Variants in COL15A1 observed in about 807,000 individuals in gnomAD.
COL15A1 encodes the protein collagen alpha-1(XV) chain.
COL15A1 carries 111 observed loss-of-function variants against 165.9 expected under a neutral mutation model. The observed-to-expected ratio is 0.67, with a 90% confidence interval of 0.57 to 0.78. The LOEUF is 0.78. Ranked by LOEUF, COL15A1 falls within the 30% of genes least tolerant of loss-of-function variation. The probability of loss-of-function intolerance (pLI) is 0.00; values close to 1 mark genes in which losing one functional copy is unlikely to be tolerated. For synonymous variants in COL15A1, 659 were observed against 674.8 expected (o/e 0.98, Z 0.36); for missense variants, 1,745 against 1,789.7 (o/e 0.98, Z 0.45).
intron 2 of COL15A1, among the ~76,000 whole-genome samples, chr9:98,967,796 C>T (rs984349586): frequency 1.3e-5 from 2 of 152,322 alleles, no homozygotes; most frequent in Middle Eastern, 3.4e-3. Context: ...CTGCCCATGA[C>T]TGGCCTCCAT....
At chr9:99,012,311 A>G (rs568750134) in intron 9 of COL15A1, among the ~76,000 whole-genome samples, 37 of 152,364 alleles carry the variant, frequency 2.4e-4, no homozygotes, top group Non-Finnish European at 4.0e-4. Context: ...ATAAACACAC[A>G]CATACATACT....
At chr9:99,066,566 G>C (rs1021565514) in intron 39 of COL15A1, among the ~76,000 whole-genome samples, 17 of 128,572 alleles carry the variant, frequency 1.3e-4, no homozygotes, top group African/African-American at 5.0e-4. Context: ...GATCCCTGAA[G>C]TTCTTTATTT....
Position 99,015,668 on chromosome 9 carries a change from G to C in COL15A1, c.1503+102G>C, listed in dbSNP as rs979292427. The C allele has an allele frequency of 2.6e-6, 3 of 1,138,340 alleles. No homozygotes were observed. The African/African-American group carries it at 4.6e-5, about 17-fold the overall frequency. The allele number at this position is 1,138,340 out of a possible 1,614,324, so 70.5% of individuals were successfully genotyped here. A position where few individuals can be genotyped will look rare whatever the true frequency, so the allele number is the denominator to read the frequency against. The stretch of plus-strand genomic sequence containing the variant: ...CCTTGGCAGGGGCACCTGTAGCTTG[G>C]TTATGAGCACATGTCTGGGTGGGCA... On this transcript the variant is annotated intron_variant, in intron 10 of 41. Transcript: ENST00000375001.
intron 2 of COL15A1, among the ~76,000 whole-genome samples, chr9:98,958,125 G>A (rs984917163): frequency 6.6e-6 from 1 of 152,268 alleles, no homozygotes; most frequent in Admixed American, 6.5e-5. Context: ...ACATGGTGGA[G>A]ACTCTCCCAG....
chr9:98,959,247 A>AC (rs1554683054), intron 2 of COL15A1, among the ~76,000 whole-genome samples: 11 of 147,414 alleles, frequency 7.5e-5, no homozygotes, highest in African/African-American at 2.8e-4. Flanking sequence ...AAAAAAAAAA[A>AC]CTAAAAACTA....
chr9:98,994,444 G>A lies in COL15A1; in HGVS notation c.805-2490G>A, dbSNP rs1388191118. On this transcript the variant is annotated intron_variant, in intron 5 of 41. Transcript: ENST00000375001. ...TGGCAAGTTCCTACTTAGCCTTCAG[G>A]ATCCAGTCCACATCCTCTCCTTGGA... Among the ~76,000 whole-genome samples the A allele has an allele frequency of 1.8e-4, 28 of 152,052 alleles. 1 individual carries two copies. The highest frequency in any genetic ancestry group is 1.8e-3 in the Admixed American group (28 of 15,260).
At chr9:99,055,401 C>T (rs371679554) in intron 34 of COL15A1, 29 bp downstream of exon 34, 5 of 1,374,224 alleles carry the variant, frequency 3.6e-6, no homozygotes, top group Non-Finnish European at 5.2e-6. Flanking sequence ...AAGTCATCTA[C>T]CCCAAAGACT....
chr9:98,967,318 CT>C, intron 2 of COL15A1, among the ~76,000 whole-genome samples: 1 of 152,338 alleles, frequency 6.6e-6, no homozygotes, highest in East Asian at 1.9e-4. Context: ...TCTGTACTGA[CT>C]TTCCCTGGGG....
chr9:99,035,666 T>C (rs1051015065), intron 19 of COL15A1, among the ~76,000 whole-genome samples: 1 of 152,244 alleles, frequency 6.6e-6, no homozygotes, highest in African/African-American at 2.4e-5. Flanking sequence ...TCTCTTCATC[T>C]ATTTCTCTCT....
intron 4 of COL15A1, 95 bp from the exon 5 acceptor site, chr9:98,989,083 G>C: frequency 1.2e-6 from 1 of 845,122 alleles, no homozygotes; most frequent in Non-Finnish European, 2.0e-6. Context: ...CTGTAGGAGA[G>C]TCGGTTTGTC....
At chr9:99,064,291 C>T (rs192484849) in intron 39 of COL15A1, among the ~76,000 whole-genome samples, 1 of 152,124 alleles carries the variant, frequency 6.6e-6, no homozygotes, top group African/African-American at 2.4e-5. Flanking sequence ...CCACTCCCAG[C>T]CCAATCAAGA....
intron 6 of COL15A1, among the ~76,000 whole-genome samples, chr9:98,998,555 T>G (rs1838589839): frequency 6.6e-6 from 1 of 152,186 alleles, no homozygotes; most frequent in Admixed American, 6.5e-5. Context: ...AAGCTTCAGA[T>G]TCCTTAGCCG....
rs184770460 is a variant in COL15A1, at chr9:99,069,823, C to T, written c.4104C>T (p.Ser1368=). 4 of 1,614,166 alleles carry T rather than the reference C, an allele frequency of 2.5e-6. No homozygotes were observed. The Admixed American group carries it at 5.0e-5, about 20-fold the overall frequency. The change falls in exon 42 of 42, where the codon AGC becomes AGT. Residue 1368 remains serine, a synonymous_variant. Transcript: ENST00000375001. The stretch of plus-strand genomic sequence containing the variant: ...AGATTCTGGACCAGAAAGCATACAG[C>T]TGTGCTAATCGGCTAATTGTCCTAT... ...TGKILDQKAY[S]CANRLIVLCI...
At chr9:99,044,124 G>T (rs1839456045) in intron 24 of COL15A1, among the ~76,000 whole-genome samples, 1 of 152,100 alleles carries the variant, frequency 6.6e-6, no homozygotes, top group African/African-American at 2.4e-5. Flanking sequence ...CAGATCTCAG[G>T]TTGAGTTGCT....
At chr9:98,948,398 A>C (rs1488629718) in intron 2 of COL15A1, among the ~76,000 whole-genome samples, 1 of 152,134 alleles carries the variant, frequency 6.6e-6, no homozygotes, top group African/African-American at 2.4e-5. Context: ...GGAGATTGAG[A>C]CCATCCTAGC....
Position 99,047,818 on chromosome 9 carries a change from A to T in COL15A1, c.2712A>T (p.Glu904Asp). The stretch of plus-strand genomic sequence containing the variant: ...AAGGACCACCAGGACATAAAGGAGA[A>T]TTTGGCCTTCCCGGGCGACCTGTAG... ...GPKGPPGHKG[E>D]FGLPGRPGRP... Residue 904 changes from glutamate to aspartate, a missense_variant, in exon 27 of 42, where the codon GAA becomes GAT. By Grantham distance (45) the Glu-to-Asp change is conservative. Transcript: ENST00000375001. 6.2e-7 allele frequency: 1 copy of T among 1,614,020 alleles called. No homozygotes were observed. Among genetic ancestry groups the T allele is most frequent in the Non-Finnish European group, 8.5e-7 (1 of 1,179,970 alleles).
At chr9:99,020,285 C>T (rs1056922083) in intron 11 of COL15A1, 104 bp from the exon 12 acceptor site, 5 of 833,074 alleles carry the variant, frequency 6.0e-6, no homozygotes, top group East Asian at 4.9e-5. Context: ...AGCCCTAGCT[C>T]ATGCCCAGCT....
At chr9:98,956,983 G>A (rs1261392862) in intron 2 of COL15A1, among the ~76,000 whole-genome samples, 1 of 152,258 alleles carries the variant, frequency 6.6e-6, no homozygotes, top group Admixed American at 6.5e-5. Context: ...ATCACCATCT[G>A]TGGTAGGCAG....
At chr9:99,021,429 T>C (rs937091140) in intron 12 of COL15A1, among the ~76,000 whole-genome samples, 11 of 152,182 alleles carry the variant, frequency 7.2e-5, no homozygotes, top group Admixed American at 7.2e-4. Flanking sequence ...TCTCTCCTTT[T>C]GGTGGATCTG....
Sources: allele counts gnomAD v4.1 joint callset (sites outside exome capture counted in the v4.1 genomes callset), GRCh38; gene constraint gnomAD v4.1.1; transcripts MANE v1.5; gene names NCBI Gene and HGNC (gene_info 2026-07-23, HGNC 2026-07-21).